Variants in MTAP observed in about 807,000 individuals in gnomAD.
The protein encoded by MTAP is methylthioadenosine phosphorylase, also known as S-methyl-5'-thioadenosine phosphorylase.
A neutral mutation model predicts 33.6 loss-of-function variants in MTAP; 33 were observed. The observed-to-expected ratio is 0.98, with a 90% CI of 0.74 to 1.31. The LOEUF is 1.31. MTAP is among the 40% of genes most tolerant of loss of function. The probability of loss-of-function intolerance (pLI) is 0.00; values close to 1 mark genes in which losing one functional copy is unlikely to be tolerated. For missense variants in MTAP, 367 were observed against 360.0 expected (o/e 1.02, Z -0.16); for synonymous variants, 148 against 125.7 (o/e 1.18, Z -1.19).
At chr9:21,844,614 A>G (rs569709524) in intron 5 of MTAP, among the ~76,000 whole-genome samples, 129 of 152,352 alleles carry the variant, frequency 8.5e-4, no homozygotes, top group Admixed American at 2.1e-3. Context: ...CATAAACATA[A>G]TTTAAAACAA....
Position 21,818,098 on chromosome 9 carries a change from G to A in MTAP, c.243G>A (p.Leu81=). Residue 81 remains leucine, a synonymous_variant, in exon 4 of 8, where the codon TTG becomes TTA. Coordinates refer to ENST00000644715, the MANE Select transcript of MTAP (RefSeq NM_002451.4). ...ACTACCAGGCGAACATCTGGGCTTTGAAGGAAGAGGGCTGTACACATGTCA... is the reference window on the plus strand; with the variant it reads ...ACTACCAGGCGAACATCTGGGCTTTAAAGGAAGAGGGCTGTACACATGTCA... The part of the protein sequence containing the change: ...KVNYQANIWA[L]KEEGCTHVIV... 1.2e-6 allele frequency: 2 copies of A among 1,613,918 alleles called. No individual in the cohort carries two copies. The highest frequency in any genetic ancestry group is 2.2e-5 in the East Asian group (1 of 44,854).
intron 1 of MTAP, among the ~76,000 whole-genome samples, chr9:21,895,080 C>G (rs1818267669): frequency 6.6e-6 from 1 of 152,038 alleles, no homozygotes; most frequent in Non-Finnish European, 1.5e-5. Context: ...AGCATCAACA[C>G]CATTAAAGTA....
At chr9:21,821,623 G>A (rs1824642178) in intron 4 of MTAP, among the ~76,000 whole-genome samples, 1 of 152,176 alleles carries the variant, frequency 6.6e-6, no homozygotes, top group Non-Finnish European at 1.5e-5. Flanking sequence ...TTGGTATCAG[G>A]ATGATGCTGG....
chr9:21,868,920 C>T (rs978595126), downstream of MTAP, among the ~76,000 whole-genome samples: 2 of 152,152 alleles, frequency 1.3e-5, no homozygotes, highest in African/African-American at 4.8e-5. Flanking sequence ...TGATAATTTG[C>T]ATTTCCAACA....
At chr9:21,897,180 GC>G (rs1462936515) in intron 1 of MTAP, among the ~76,000 whole-genome samples, 1 of 152,104 alleles carries the variant, frequency 6.6e-6, no homozygotes, top group Admixed American at 6.5e-5. Flanking sequence ...AAATTCAGCA[GC>G]CCTTCATGCT....
At chr9:21,868,349 T>G (rs1026389624), downstream of MTAP, among the ~76,000 whole-genome samples, 2 of 152,190 alleles carry the variant, frequency 1.3e-5, no homozygotes, top group Non-Finnish European at 2.9e-5. Flanking sequence ...GATGACTATC[T>G]AAAAAGCACC....
At chr9:21,896,935 A>G (rs1052938439) in intron 1 of MTAP, among the ~76,000 whole-genome samples, 13 of 152,216 alleles carry the variant, frequency 8.5e-5, no homozygotes, top group African/African-American at 2.7e-4. Flanking sequence ...ACAAAAAAAG[A>G]ATTTTAAACC....
At chr9:21,908,251 A>G (rs1381067458) in intron 1 of MTAP, among the ~76,000 whole-genome samples, 1 of 152,156 alleles carries the variant, frequency 6.6e-6, no homozygotes, top group Non-Finnish European at 1.5e-5. Flanking sequence ...TTTTTTGTTT[A>G]GCATAACTCT....
chr9:21,905,050 G>C (rs898257766), intron 1 of MTAP, among the ~76,000 whole-genome samples: 2 of 152,160 alleles, frequency 1.3e-5, no homozygotes, highest in African/African-American at 4.8e-5. Context: ...CCCAGTGGGC[G>C]TGTGTTACAG....
At chr9:21,836,260 T>C (rs1488349121) in intron 4 of MTAP, among the ~76,000 whole-genome samples, 1 of 152,192 alleles carries the variant, frequency 6.6e-6, no homozygotes, top group Non-Finnish European at 1.5e-5. Flanking sequence ...GGGAGCTTTG[T>C]TGAGAAAGAA....
Position 21,865,504 on chromosome 9 carries a change from C to G in MTAP, c.*3490C>G. The G allele has an allele frequency of 1.0e-6, 1 of 985,546 alleles. No homozygotes were observed. The highest frequency in any genetic ancestry group is 1.7e-5 in the African/African-American group (1 of 57,364). The allele number at this position is 985,546 out of a possible 1,614,324, so 61.1% of individuals were successfully genotyped here. A position where few individuals can be genotyped will look rare whatever the true frequency, so the allele number is the denominator to read the frequency against. ...CTACCAGTGTGCACACAATCTGGCT[C>G]AATGTATATATTGGCCCAGCAAGGC... On this transcript the variant is annotated 3_prime_UTR_variant, in exon 8 of 8. Coordinates refer to ENST00000644715, the MANE Select transcript of MTAP (RefSeq NM_002451.4).
In MTAP at chr9:21,862,057, A is replaced by T; in HGVS notation, c.*43A>T. ...GGAGAAAAGAAGACATTCTAATTCC[A>T]GTCATTTTGGGAATTCCTGCTTAAC... On this transcript the variant is annotated 3_prime_UTR_variant, in exon 8 of 8. Coordinates refer to ENST00000644715, the MANE Select transcript of MTAP (RefSeq NM_002451.4). The T allele has an allele frequency of 6.2e-7, 1 of 1,609,792 alleles. No individual in the cohort carries two copies. Among genetic ancestry groups the T allele is most frequent in the Non-Finnish European group, 8.5e-7 (1 of 1,178,646 alleles).
chr9:21,810,493 C>G (rs1824319027), intron 1 of MTAP, among the ~76,000 whole-genome samples: 1 of 152,118 alleles, frequency 6.6e-6, no homozygotes, highest in Non-Finnish European at 1.5e-5. Context: ...CCAATGAGAG[C>G]AAGAACACCC....
intron 4 of MTAP, among the ~76,000 whole-genome samples, chr9:21,821,504 A>G (rs1226851952): frequency 6.6e-6 from 1 of 152,062 alleles, no homozygotes; most frequent in African/African-American, 2.4e-5. Flanking sequence ...AAGCTTTTTG[A>G]TGTGCTGCTG....
chr9:21,880,546 C>G (rs544063153), intron 1 of MTAP, among the ~76,000 whole-genome samples: 1 of 152,114 alleles, frequency 6.6e-6, no homozygotes, highest in East Asian at 1.9e-4. Flanking sequence ...AATAAACAAG[C>G]TCAGCAAGGT....
downstream of MTAP, among the ~76,000 whole-genome samples, chr9:21,868,062 T>C (rs1825881882): frequency 1.3e-5 from 2 of 152,172 alleles, no homozygotes; most frequent in Admixed American, 1.3e-4. Context: ...ATACTTCATA[T>C]TTCCAGAAAG....
chr9:21,821,640 A>G (rs904260620), intron 4 of MTAP, among the ~76,000 whole-genome samples: 1 of 152,168 alleles, frequency 6.6e-6, no homozygotes, highest in Non-Finnish European at 1.5e-5. Flanking sequence ...CTGGCCTCAT[A>G]AAATGAGTTA....
At chr9:21,919,708 A>C (rs1294763346) in intron 1 of MTAP, among the ~76,000 whole-genome samples, 2 of 152,260 alleles carry the variant, frequency 1.3e-5, no homozygotes, top group African/African-American at 4.8e-5. Context: ...TACACTGACA[A>C]GGTGATAGAA....
intron 1 of MTAP, among the ~76,000 whole-genome samples, chr9:21,895,500 AGCAG>A (rs1236594021): frequency 6.6e-6 from 1 of 152,194 alleles, no homozygotes; most frequent in African/African-American, 2.4e-5. Flanking sequence ...CAGCCCACAG[AGCAG>A]GGCCGGGCAT....
Sources: allele counts gnomAD v4.1 joint callset (sites outside exome capture counted in the v4.1 genomes callset), GRCh38; gene constraint gnomAD v4.1.1; transcripts MANE v1.5; gene names NCBI Gene and HGNC (gene_info 2026-07-23, HGNC 2026-07-21).